The following CNTN6 variants were observed in gnomAD, a reference collection of about 807,000 sequenced individuals.
The protein encoded by CNTN6 is contactin 6.
CNTN6 carries 137 observed loss-of-function variants against 122.8 expected under a neutral mutation model. That is an observed-to-expected ratio of 1.12 (90% CI 0.97 to 1.29). The LOEUF is 1.29. CNTN6 is among the 50% of genes most tolerant of loss of function. The probability of loss-of-function intolerance (pLI) is 0.00; values close to 1 mark genes in which losing one functional copy is unlikely to be tolerated. For synonymous variants in CNTN6, 570 were observed against 426.0 expected (o/e 1.34, Z -4.16); for missense variants, 1,634 against 1,223.4 (o/e 1.34, Z -5.01).
Position 1,101,865 on chromosome 3 carries a change from T to C in CNTN6, c.-83+8745T>C, listed in dbSNP as rs1032844444. On this transcript the variant is annotated intron_variant, in intron 1 of 22. Coordinates refer to ENST00000446702, the MANE Select transcript of CNTN6 (RefSeq NM_001289080.2). ...TCTATTAATTCCTTAAGTTTAATGG[T>C]ATGCAAATTCTTAAAATCTAGAGGC... Among the ~76,000 whole-genome samples the C allele has an allele frequency of 7.2e-5, 11 of 152,316 alleles. No individual in the cohort carries two copies. In the South Asian group the frequency reaches 2.1e-3, roughly 29 times the overall value.
At chr3:1,202,413 G>C (rs981739963) in intron 2 of CNTN6, among the ~76,000 whole-genome samples, 6 of 151,914 alleles carry the variant, frequency 3.9e-5, no homozygotes, top group Non-Finnish European at 8.8e-5. Flanking sequence ...GGTGGCGGGC[G>C]CCTGTAGTCC....
At chr3:1,210,479 G>A (rs1027558622) in intron 2 of CNTN6, among the ~76,000 whole-genome samples, 2 of 152,078 alleles carry the variant, frequency 1.3e-5, no homozygotes, top group East Asian at 1.9e-4. Context: ...AAGATATTAA[G>A]TGAGTTTAGT....
At chr3:1,301,024 C>CTTTTTTTTTTTT (rs562912841) in intron 7 of CNTN6, among the ~76,000 whole-genome samples, 10 of 93,276 alleles carry the variant, frequency 1.1e-4, no homozygotes, top group African/African-American at 2.6e-4. Context: ...AGTCCCTAAA[C>CTTTTTTTTTTTT]TTTTTTTTTT....
chr3:1,279,298 G>A (rs199545823), intron 5 of CNTN6, among the ~76,000 whole-genome samples: 2 of 152,196 alleles, frequency 1.3e-5, no homozygotes, highest in Non-Finnish European at 2.9e-5. Context: ...GGTAAATTTA[G>A]TCGTGATTCT....
At chr3:1,184,454 A>G (rs2093602260) in intron 2 of CNTN6, among the ~76,000 whole-genome samples, 1 of 152,196 alleles carries the variant, frequency 6.6e-6, no homozygotes, top group South Asian at 2.1e-4. Context: ...CATTCTAATG[A>G]TGTTTCATTG....
chr3:1,312,186 C>G (rs1272496766), intron 7 of CNTN6, among the ~76,000 whole-genome samples: 1 of 151,502 alleles, frequency 6.6e-6, no homozygotes, highest in Non-Finnish European at 1.5e-5. Context: ...AAGACACACT[C>G]CGAATCTAAT....
intron 1 of CNTN6, among the ~76,000 whole-genome samples, chr3:1,098,136 G>A (rs940390041): frequency 4.6e-5 from 7 of 151,910 alleles, no homozygotes; most frequent in Non-Finnish European, 7.4e-5. Context: ...CCTAATGCTA[G>A]ATGACGAGTT....
At chr3:1,304,760 G>T (rs540591145) in intron 7 of CNTN6, among the ~76,000 whole-genome samples, 4 of 152,090 alleles carry the variant, frequency 2.6e-5, no homozygotes, top group South Asian at 4.2e-4. Flanking sequence ...TTGGGAGGCC[G>T]AGGTGGGTGG....
At chr3:1,214,573 G>T (rs764051487) in intron 2 of CNTN6, among the ~76,000 whole-genome samples, 24 of 151,966 alleles carry the variant, frequency 1.6e-4, no homozygotes, top group Non-Finnish European at 2.8e-4. Context: ...ACCTCCCAAA[G>T]TGCTGGGATT....
At chr3:1,390,707 A>G (rs1326276453) in intron 20 of CNTN6, among the ~76,000 whole-genome samples, 40 of 149,316 alleles carry the variant, frequency 2.7e-4, no homozygotes, top group Non-Finnish European at 2.7e-4. Flanking sequence ...GACACAATAA[A>G]AAATGATAAA....
At chr3:1,398,855 A>G (rs944957165) in intron 20 of CNTN6, among the ~76,000 whole-genome samples, 4 of 152,122 alleles carry the variant, frequency 2.6e-5, no homozygotes, top group African/African-American at 9.7e-5. Flanking sequence ...TTGGCTATTC[A>G]TACCAAGGTA....
In CNTN6 at chr3:1,295,394, T is replaced by G. The variant is rs78903216; in HGVS notation, c.455-207T>G. ...CCCAAAAAGTCAATGATGGGGAAAG[T>G]GCCCACATAATTTATCGTCCAATCT... On this transcript the variant is annotated intron_variant, in intron 5 of 22. Coordinates refer to ENST00000446702, the MANE Select transcript of CNTN6 (RefSeq NM_001289080.2). Among the ~76,000 whole-genome samples, 473 of 152,282 alleles carry G rather than the reference T, an allele frequency of 3.1e-3. 5 individuals are homozygous for G. Among genetic ancestry groups the G allele is most frequent in the African/African-American group, 0.011 (457 of 41,554 alleles).
intron 1 of CNTN6, among the ~76,000 whole-genome samples, chr3:1,122,708 C>T (rs2092005799): frequency 6.6e-6 from 1 of 151,830 alleles, no homozygotes; most frequent in East Asian, 1.9e-4. Flanking sequence ...CAATATATGA[C>T]CTTTGTGTCC....
chr3:1,311,158 A>G (rs912768809), intron 7 of CNTN6, among the ~76,000 whole-genome samples: 1 of 141,282 alleles, frequency 7.1e-6, no homozygotes, highest in Non-Finnish European at 1.6e-5. Flanking sequence ...CTTTATATAT[A>G]CATAGGTGTA....
At chr3:1,244,806 G>C (rs576371062) in intron 4 of CNTN6, among the ~76,000 whole-genome samples, 7 of 151,996 alleles carry the variant, frequency 4.6e-5, no homozygotes, top group African/African-American at 1.7e-4. Context: ...GTTGTTCTCT[G>C]GTGGGCAGGG....
chr3:1,245,312 ATAT>A (rs1375519039), intron 4 of CNTN6, among the ~76,000 whole-genome samples: 4 of 19,204 alleles, frequency 2.1e-4, no homozygotes, highest in African/African-American at 8.5e-4. Context: ...ATATATATAT[ATAT>A]ATATATATAT....
At chr3:1,375,817 G>A (rs755138326) in intron 16 of CNTN6, among the ~76,000 whole-genome samples, 23 of 152,028 alleles carry the variant, frequency 1.5e-4, no homozygotes, top group Non-Finnish European at 1.9e-4. Context: ...TCTGAAAGGT[G>A]CAATTTTGAA....
chr3:1,211,507 G>C (rs375395226), intron 2 of CNTN6, among the ~76,000 whole-genome samples: 6 of 152,060 alleles, frequency 3.9e-5, no homozygotes, highest in Admixed American at 3.9e-4. Flanking sequence ...TTAGTTGTAA[G>C]AAACAGAAAC....
chr3:1,233,979 T>C (rs2094390780), intron 4 of CNTN6, among the ~76,000 whole-genome samples: 1 of 152,098 alleles, frequency 6.6e-6, no homozygotes. Context: ...TAAAGGGCTA[T>C]AAACATGTAG....
Sources: gnomAD v4.1 joint callset for allele counts (sites outside exome capture counted in the v4.1 genomes callset) on GRCh38, gnomAD v4.1.1 for gene constraint, MANE v1.5 for transcripts, NCBI Gene and HGNC (gene_info 2026-07-23, HGNC 2026-07-21) for gene names.